The following TENM1 variants were observed in gnomAD, a reference collection of about 807,000 sequenced individuals.
TENM1 encodes teneurin-1.
In TENM1, 35 loss-of-function variants were observed where a neutral mutation model predicts 174.8. The observed-to-expected ratio is 0.20, with a 90% CI of 0.15 to 0.27. The LOEUF is 0.27. TENM1 is among the 10% of genes least tolerant of loss of function. The pLI, the probability that TENM1 is intolerant of heterozygous loss-of-function variation, is 1.00. For missense variants in TENM1, 1,633 were observed against 2,130.1 expected (o/e 0.77, Z 4.59); for synonymous variants, 781 against 798.7 (o/e 0.98, Z 0.37).
chrX:124,572,650 T>C (rs774499315), intron 11 of TENM1, among the ~76,000 whole-genome samples: 3 of 111,378 alleles, frequency 2.7e-5, no homozygotes, highest in Non-Finnish European at 5.7e-5. Flanking sequence ...AAATTGAACA[T>C]ACAGGTAAAC....
At chrX:125,185,818 G>A in the TENM1 span, among the ~76,000 whole-genome samples, 1 of 112,251 alleles carries the variant, frequency 8.9e-6, no homozygotes, top group African/African-American at 3.2e-5. Flanking sequence ...GGTTGGAAGT[G>A]GAGATGAGGG....
chrX:125,151,115 G>C, the TENM1 span, among the ~76,000 whole-genome samples: 1 of 112,171 alleles, frequency 8.9e-6, no homozygotes, highest in Non-Finnish European at 1.9e-5. Flanking sequence ...TCTTGAAAAT[G>C]TATAATGCAT....
the TENM1 span, among the ~76,000 whole-genome samples, chrX:124,978,361 C>A: frequency 9.0e-6 from 1 of 111,672 alleles, no homozygotes; most frequent in Non-Finnish European, 1.9e-5. Flanking sequence ...TTTATATTGA[C>A]TTTTTTGTGG....
the TENM1 span, among the ~76,000 whole-genome samples, chrX:124,982,039 T>C: frequency 2.7e-5 from 2 of 72,929 alleles, no homozygotes; most frequent in Non-Finnish European, 4.7e-5. Context: ...CGTGATTTTG[T>C]CTAAGGTGAA....
chrX:124,472,265 T>G (rs1431072850), intron 22 of TENM1, among the ~76,000 whole-genome samples: 1 of 100,533 alleles, frequency 9.9e-6, no homozygotes, highest in African/African-American at 3.8e-5. Context: ...GGAGACATTT[T>G]AAACATCCCC....
chrX:124,758,066 A>G (rs1388998307), intron 3 of TENM1, among the ~76,000 whole-genome samples: 1 of 112,138 alleles, frequency 8.9e-6, no homozygotes, highest in East Asian at 2.8e-4. Flanking sequence ...TGAAAAGACA[A>G]CCTATGAAAT....
chrX:124,376,904 T>C (rs1168412050), exon 32 of TENM1: 1 of 110,811 alleles, frequency 9.0e-6, no homozygotes. Flanking sequence ...ACAGGAATGT[T>C]CCATTCCATC....
intron 20 of TENM1, among the ~76,000 whole-genome samples, chrX:124,491,540 C>G (rs1199910995): frequency 9.0e-6 from 1 of 111,312 alleles, no homozygotes; most frequent in African/African-American, 3.3e-5. Context: ...ACCTCAATCT[C>G]CCACTGGAAG....
At chrX:125,179,656 A>G in the TENM1 span, among the ~76,000 whole-genome samples, 6 of 110,672 alleles carry the variant, frequency 5.4e-5, no homozygotes, top group Admixed American at 3.9e-4. Context: ...CTCAAATCCC[A>G]TGGTTCTCAA....
rs1276405523 is a variant in TENM1 at position 124,547,088 on chromosome X, C to T, written c.2437G>A (p.Gly813Ser). 7 of 1,200,476 alleles carry T rather than the reference C, an allele frequency of 5.8e-6. No individual in the cohort carries two copies. The highest frequency in any genetic ancestry group is 7.9e-6 in the Non-Finnish European group (7 of 888,039). ...TCAGGATCCACACAGTCGGTTAAAC[C>T]ATCTGGAAATAAAACCCAAAACCAA... is the stretch of plus-strand genomic sequence containing the variant. The change falls in exon 15 of 32, where the codon GGT becomes AGT. Residue 813 changes from glycine (G) to serine (S), a missense_variant and splice_region_variant. Gly to Ser is a moderately conservative substitution (Grantham distance 56, BLOSUM62 0). Transcript: ENST00000422452.
intron 3 of TENM1, among the ~76,000 whole-genome samples, chrX:124,755,041 C>T (rs1475018656): frequency 2.0e-5 from 2 of 100,772 alleles, no homozygotes; most frequent in Admixed American, 1.0e-4. Flanking sequence ...CCTGGGTATC[C>T]TTGTTAACTT....
chrX:124,977,983 AG>A, the TENM1 span, among the ~76,000 whole-genome samples: 2 of 67,299 alleles, frequency 3.0e-5, no homozygotes, highest in African/African-American at 1.5e-4. Context: ...AGAGAGAGAG[AG>A]AGAGAGAGAG....
At chrX:125,027,262 G>C in the TENM1 span, among the ~76,000 whole-genome samples, 1 of 111,052 alleles carries the variant, frequency 9.0e-6, no homozygotes, top group African/African-American at 3.3e-5. Context: ...TTCTATATGA[G>C]TAATAACAAA....
At chrX:124,418,062 T>A (rs1244205978) in intron 25 of TENM1, among the ~76,000 whole-genome samples, 4 of 112,554 alleles carry the variant, frequency 3.6e-5, no homozygotes, top group African/African-American at 1.3e-4. Context: ...ACACAGTCCA[T>A]TTGTAATACA....
intron 6 of TENM1, among the ~76,000 whole-genome samples, chrX:124,656,255 A>T (rs771924323): frequency 1.7e-4 from 19 of 112,284 alleles, no homozygotes; most frequent in Admixed American, 5.7e-4. Context: ...CCATCTCTTT[A>T]TTCTGCACTT....
chrX:124,526,384 C>A lies in TENM1; in HGVS notation c.2772-2759G>T, dbSNP rs138092048. 6.2e-3 allele frequency among the ~76,000 whole-genome samples: 689 copies of A among 111,922 alleles called. 3 individuals are homozygous for A. The highest frequency in any genetic ancestry group is 0.021 in the African/African-American group (654 of 30,845). On this transcript the variant is annotated intron_variant, in intron 16 of 31. Coordinates refer to ENST00000422452, the Ensembl canonical transcript of TENM1. ...AAGACAATAATATCAATATCTATAT[C>A]TATGTCATATGTTGTTTCCCTGGAA...
At chrX:124,582,988 C>T (rs779004968) in intron 11 of TENM1, among the ~76,000 whole-genome samples, 1 of 112,506 alleles carries the variant, frequency 8.9e-6, no homozygotes, top group Admixed American at 9.3e-5. Flanking sequence ...GGGAGGGGCA[C>T]CCGCCATTGC....
chrX:124,523,513 C>G (rs2047902289), exon 17 of TENM1: 2 of 1,211,576 alleles, frequency 1.7e-6, no homozygotes, highest in African/African-American at 3.5e-5. Context: ...GTGACTTTCT[C>G]TACCACAATA....
At chrX:124,819,555 C>T (rs1222259219) in intron 3 of TENM1, among the ~76,000 whole-genome samples, 3 of 110,342 alleles carry the variant, frequency 2.7e-5, no homozygotes, top group Non-Finnish European at 5.7e-5. Flanking sequence ...TTGTGCAAAT[C>T]AAACTTTACC....
Sources: gnomAD v4.1 joint callset for allele counts (sites outside exome capture counted in the v4.1 genomes callset) on GRCh38, gnomAD v4.1.1 for gene constraint, MANE v1.5 for transcripts, NCBI Gene and HGNC (gene_info 2026-07-23, HGNC 2026-07-21) for gene names.